ADAMTS6: variants seen among roughly 807,000 people sequenced by gnomAD.
ADAMTS6 encodes A disintegrin and metalloproteinase with thrombospondin motifs 6.
ADAMTS6 carries 23 observed loss-of-function variants against 144.3 expected under a neutral mutation model. That is an observed-to-expected ratio of 0.16 (90% confidence interval 0.11 to 0.23). The LOEUF (loss-of-function observed/expected upper bound fraction) is 0.23, where lower values mean the gene tolerates loss of function less well. Ranked by LOEUF, ADAMTS6 falls within the 10% of genes least tolerant of loss-of-function variation. ADAMTS6 has a pLI of 1.00. For missense variants in ADAMTS6, 999 were observed against 1,379.6 expected, an observed-to-expected ratio of 0.72 and a Z score of 4.37; for synonymous variants, 444 against 457.5, an observed-to-expected ratio of 0.97 and a Z score of 0.38.
chr5:65,306,696 A>G (rs1391784561), intron 9 of ADAMTS6, among the ~76,000 whole-genome samples: 1 of 152,214 alleles, frequency 6.6e-6, no homozygotes, highest in Non-Finnish European at 1.5e-5. Flanking sequence ...TATCTGCACC[A>G]CATCTTCACC....
chr5:65,339,155 T>C (rs553727006), intron 7 of ADAMTS6, among the ~76,000 whole-genome samples: 1 of 152,178 alleles, frequency 6.6e-6, no homozygotes, highest in South Asian at 2.1e-4. Flanking sequence ...ACCTGAGAAA[T>C]AGCCCAGCAA....
chr5:65,353,791 G>C lies in ADAMTS6; in HGVS notation c.1074-19706C>G, dbSNP rs139635671. The stretch of plus-strand genomic sequence containing the variant: ...CTTTCTTTCTTTGGCTCATCTAAAG[G>C]GAGTTAGTCTCTTCCAACATGTTTA... On this transcript the variant is annotated intron_variant, in intron 7 of 24. Coordinates refer to ENST00000381055, the MANE Select transcript of ADAMTS6 (RefSeq NM_197941.4). 8.0e-4 allele frequency among the ~76,000 whole-genome samples: 122 copies of C among 151,922 alleles called. 3 individuals are homozygous for C. In the East Asian group the frequency reaches 0.02, roughly 25 times the overall value.
chr5:65,255,779 A>T (rs758968105), intron 14 of ADAMTS6, among the ~76,000 whole-genome samples: 4 of 152,174 alleles, frequency 2.6e-5, no homozygotes, highest in Non-Finnish European at 5.9e-5. Context: ...CAATTAAAAA[A>T]AATTTTGTCA....
chr5:65,207,255 A>G (rs1362752577), intron 20 of ADAMTS6, among the ~76,000 whole-genome samples: 1 of 152,196 alleles, frequency 6.6e-6, no homozygotes, highest in Non-Finnish European at 1.5e-5. Context: ...ACTTCTATTC[A>G]AAGAAGAAGA....
At chr5:65,202,382 T>C (rs1285149870) in intron 20 of ADAMTS6, among the ~76,000 whole-genome samples, 1 of 152,204 alleles carries the variant, frequency 6.6e-6, no homozygotes, top group Non-Finnish European at 1.5e-5. Flanking sequence ...AGAATTCCTA[T>C]TACTCCTTAG....
At chr5:65,479,352 T>C (rs1313460200) in intron 1 of ADAMTS6, among the ~76,000 whole-genome samples, 2 of 152,166 alleles carry the variant, frequency 1.3e-5, no homozygotes, top group African/African-American at 2.4e-5. Context: ...ACACATAAAT[T>C]ACCCAAAACA....
intron 7 of ADAMTS6, among the ~76,000 whole-genome samples, chr5:65,363,374 C>G (rs1395172611): frequency 6.6e-6 from 1 of 152,120 alleles, no homozygotes; most frequent in Non-Finnish European, 1.5e-5. Context: ...CTTCACACCC[C>G]TTTTGTGCTA....
At chr5:65,213,813 A>G (rs2112325094) in intron 20 of ADAMTS6, among the ~76,000 whole-genome samples, 1 of 152,304 alleles carries the variant, frequency 6.6e-6, no homozygotes, top group African/African-American at 2.4e-5. Context: ...AAAAAGGAGT[A>G]TAGGTAATGT....
chr5:65,443,696 T>C (rs1388426599), intron 7 of ADAMTS6, among the ~76,000 whole-genome samples: 4 of 149,398 alleles, frequency 2.7e-5, no homozygotes, highest in Non-Finnish European at 5.9e-5. Context: ...TTAATCCACT[T>C]TAAAAAAGAT....
rs574584049 is a variant in ADAMTS6 at position 65,439,940 on chromosome 5, G to A, written c.1073+11535C>T. Reference sequence around the variant, plus strand: ...GTGCTTCAGTCTCCCAAGTAGCTGGGACTACAGGCATGCGCCACCATACCC... The same window carrying A: ...GTGCTTCAGTCTCCCAAGTAGCTGGAACTACAGGCATGCGCCACCATACCC... On this transcript the variant is annotated intron_variant, in intron 7 of 24. Transcript: ENST00000381055. Among the ~76,000 whole-genome samples the A allele has an allele frequency of 1.9e-4, 29 of 152,262 alleles. 1 individual carries two copies. The East Asian group carries it at 4.1e-3, about 21-fold the overall frequency.
chr5:65,215,554 T>A, intron 18 of ADAMTS6, 67 bp from the exon 19 acceptor site: 1 of 1,405,258 alleles, frequency 7.1e-7, no homozygotes, highest in Non-Finnish European at 9.8e-7. Context: ...ACTGATTAAT[T>A]ACTGCAATAA....
chr5:65,393,873 G>C (rs1439136095), intron 7 of ADAMTS6, among the ~76,000 whole-genome samples: 1 of 152,158 alleles, frequency 6.6e-6, no homozygotes. Flanking sequence ...CTTTTAGTTA[G>C]CTTTTATTTC....
intron 24 of ADAMTS6, among the ~76,000 whole-genome samples, chr5:65,157,731 T>C (rs1434981561): frequency 4.6e-5 from 7 of 152,206 alleles, no homozygotes; most frequent in Non-Finnish European, 1.0e-4. Flanking sequence ...TGTGCATGCG[T>C]GGCACAGGAG....
intron 13 of ADAMTS6, 58 bp downstream of exon 13, chr5:65,262,759 C>T (rs1014136750): frequency 2.1e-6 from 3 of 1,453,162 alleles, no homozygotes; most frequent in Admixed American, 5.7e-5. Flanking sequence ...GAAACCACAG[C>T]TTTGAATCAT....
chr5:65,171,596 T>C (rs1016824089), intron 23 of ADAMTS6, among the ~76,000 whole-genome samples: 1 of 152,148 alleles, frequency 6.6e-6, no homozygotes, highest in Non-Finnish European at 1.5e-5. Context: ...CTATTTATTA[T>C]AGGTGTGCAG....
chr5:65,263,450 T>C (rs916709444), intron 12 of ADAMTS6, among the ~76,000 whole-genome samples: 4 of 141,818 alleles, frequency 2.8e-5, no homozygotes, highest in South Asian at 2.2e-4. Flanking sequence ...GAGGCTACAA[T>C]AGTAAAAGAA....
At chr5:65,162,636 C>CACAA in intron 24 of ADAMTS6, among the ~76,000 whole-genome samples, 1 of 151,342 alleles carries the variant, frequency 6.6e-6, no homozygotes, top group African/African-American at 2.4e-5. Context: ...CACACACACA[C>CACAA]ACACACACAC....
rs190413570 is a variant in ADAMTS6 at position 65,414,842 on chromosome 5, C to G, written c.1073+36633G>C. Among the ~76,000 whole-genome samples, 19 of 152,080 alleles carry G rather than the reference C, an allele frequency of 1.2e-4. No homozygotes were observed. In the East Asian group the frequency reaches 3.5e-3, roughly 28 times the overall value. On this transcript the variant is annotated intron_variant, in intron 7 of 24. Transcript: ENST00000381055. ...TATGCAAACGTTAATTCAAAACGAACCCAAAGACCTAAATGTAAGGGCTAA... is the reference window on the plus strand; with the variant it reads ...TATGCAAACGTTAATTCAAAACGAAGCCAAAGACCTAAATGTAAGGGCTAA...
At chr5:65,447,642 T>C (rs78156607) in intron 7 of ADAMTS6, among the ~76,000 whole-genome samples, 10 of 152,176 alleles carry the variant, frequency 6.6e-5, no homozygotes, top group African/African-American at 2.4e-4. Context: ...CATAGGTATA[T>C]AATGTCATAT....
Sources: gnomAD v4.1 joint callset for allele counts (sites outside exome capture counted in the v4.1 genomes callset) on GRCh38, gnomAD v4.1.1 for gene constraint, MANE v1.5 for transcripts, NCBI Gene and HGNC (gene_info 2026-07-23, HGNC 2026-07-21) for gene names.